Variants in EPHA5 observed in about 807,000 individuals in gnomAD.
EPHA5 encodes EPH receptor A5, also known as ephrin type-A receptor 5.
In EPHA5, 60 loss-of-function variants were observed where a neutral mutation model predicts 105.0. That is an observed-to-expected ratio of 0.57 (90% CI 0.46 to 0.71). The LOEUF is 0.71. Among genes scored for constraint, EPHA5 ranks in the 30% least tolerant of loss-of-function variants. The pLI, the probability that EPHA5 is intolerant of heterozygous loss-of-function variation, is 0.00. For synonymous variants in EPHA5, 513 were observed against 449.1 expected, an observed-to-expected ratio of 1.14 and a Z score of -1.80; for missense variants, 1,218 against 1,274.7, an observed-to-expected ratio of 0.96 and a Z score of 0.68.
intron 4 of EPHA5, among the ~76,000 whole-genome samples, chr4:65,494,033 C>T (rs77934163): frequency 6.0e-4 from 91 of 152,286 alleles, no homozygotes; most frequent in African/African-American, 2.1e-3. Context: ...AAATTCATCA[C>T]ATCCAATCAT....
intron 5 of EPHA5, among the ~76,000 whole-genome samples, chr4:65,479,069 T>C (rs547865208): frequency 6.6e-6 from 1 of 152,290 alleles, no homozygotes; most frequent in South Asian, 2.1e-4. Flanking sequence ...ACCTATTTTT[T>C]CCATAATTTA....
At chr4:65,570,512 G>C (rs528169581) in intron 3 of EPHA5, among the ~76,000 whole-genome samples, 1 of 148,234 alleles carries the variant, frequency 6.7e-6, no homozygotes, top group Non-Finnish European at 1.5e-5. Context: ...CCCCTTTTTC[G>C]GCCTTGAAAT....
At chr4:65,351,290 A>T in intron 13 of EPHA5, 99 bp downstream of exon 13, 4 of 1,074,110 alleles carry the variant, frequency 3.7e-6, no homozygotes, top group East Asian at 2.5e-5. Context: ...TTTCTTTTTG[A>T]CTTTGTTGCA....
intron 3 of EPHA5, among the ~76,000 whole-genome samples, chr4:65,545,188 G>A (rs145665643): frequency 2.9e-4 from 44 of 151,880 alleles, no homozygotes; most frequent in East Asian, 5.8e-4. Flanking sequence ...ATATGACATC[G>A]GAGAATCAGC....
rs1012388119 is a variant in EPHA5 at position 65,622,421 on chromosome 4, G to GA, written c.247-20118dup. On this transcript the variant is annotated intron_variant, in intron 2 of 16. Transcript: ENST00000613740. ...AAGGCATAGGCAACATGGCAGATTT[G>GA]AAAAAAAAATTAGAAAACTATTCAA... 7.7e-4 allele frequency among the ~76,000 whole-genome samples: 116 copies of GA among 150,410 alleles called. 2 individuals are homozygous for GA. Among genetic ancestry groups the GA allele is most frequent in the South Asian group, 6.1e-3 (29 of 4,776 alleles).
rs1425495059 is a variant in EPHA5, at chr4:65,476,127, A to AGAGAGAGTGT, written c.1402+14249_1402+14250insACACTCTCTC. On this transcript the variant is annotated intron_variant, in intron 5 of 16. Transcript: ENST00000613740. ...GAGAGAGAGAGAGAGAGAGAGAGAG[A>AGAGAGAGTGT]GTGTGTGTGTGTGTGTGTGTGTGTG... Among the ~76,000 whole-genome samples, 957 of 119,174 alleles carry AGAGAGAGTGT rather than the reference A, an allele frequency of 8.0e-3. 5 individuals are homozygous for AGAGAGAGTGT. Among genetic ancestry groups the AGAGAGAGTGT allele is most frequent in the African/African-American group, 0.011 (370 of 32,422 alleles). 78.2% of individuals were successfully genotyped at this position (119,174 alleles called of 152,430 possible).
At chr4:65,390,334 C>T (rs1661411741) in intron 8 of EPHA5, among the ~76,000 whole-genome samples, 1 of 151,986 alleles carries the variant, frequency 6.6e-6, no homozygotes, top group African/African-American at 2.4e-5. Context: ...CCAAAGTTTG[C>T]CAGAATTCTT....
intron 8 of EPHA5, among the ~76,000 whole-genome samples, chr4:65,390,161 A>G (rs1436372841): frequency 2.0e-5 from 3 of 151,978 alleles, no homozygotes; most frequent in Admixed American, 6.6e-5. Context: ...GCCAGTTCCT[A>G]GAAGTAGCAA....
At chr4:65,394,840 A>G (rs537177052) in intron 8 of EPHA5, among the ~76,000 whole-genome samples, 1 of 152,262 alleles carries the variant, frequency 6.6e-6, no homozygotes, top group East Asian at 1.9e-4. Flanking sequence ...ATGTTAGATA[A>G]TGATATACTT....
chr4:65,630,081 TCACACA>T lies in EPHA5; in HGVS notation c.246+13276_246+13281del, dbSNP rs35628731. Among the ~76,000 whole-genome samples, 935 of 146,712 alleles carry T rather than the reference TCACACA, an allele frequency of 6.4e-3. 14 individuals are homozygous for T. The highest frequency in any genetic ancestry group is 7.9e-3 in the East Asian group (39 of 4,950). On this transcript the variant is annotated intron_variant, in intron 2 of 16. Transcript: ENST00000613740. Reference sequence around the variant, plus strand: ...CACACACACACACTCTCTCTCTCTCTCACACACACACACACACACACACACACCAGG... The same window carrying T: ...CACACACACACACTCTCTCTCTCTCTCACACACACACACACACACACCAGG...
chr4:65,550,865 C>T (rs759242911), intron 3 of EPHA5, among the ~76,000 whole-genome samples: 14 of 151,624 alleles, frequency 9.2e-5, no homozygotes, highest in Admixed American at 2.0e-4. Context: ...AAACAAAAAA[C>T]AACTACTAAA....
At chr4:65,595,588 T>TA (rs1560748915) in intron 3 of EPHA5, among the ~76,000 whole-genome samples, 1 of 151,416 alleles carries the variant, frequency 6.6e-6, no homozygotes, top group East Asian at 1.9e-4. Flanking sequence ...AAGATTTTTT[T>TA]TTTTTTTTTT....
At chr4:65,622,907 T>C (rs116450522) in intron 2 of EPHA5, among the ~76,000 whole-genome samples, 1 of 152,104 alleles carries the variant, frequency 6.6e-6, no homozygotes. Context: ...GAACTGAGTG[T>C]CTGGCACGTC....
intron 2 of EPHA5, among the ~76,000 whole-genome samples, chr4:65,633,512 T>C (rs2149494910): frequency 6.6e-6 from 1 of 152,020 alleles, no homozygotes; most frequent in Middle Eastern, 3.4e-3. Context: ...AAAACAAAAA[T>C]AATTATACTC....
chr4:65,574,731 CATATATATAT>C (rs201831887), intron 3 of EPHA5, among the ~76,000 whole-genome samples: 27 of 85,602 alleles, frequency 3.2e-4, no homozygotes, highest in African/African-American at 1.6e-3. Context: ...CATATATATA[CATATATATAT>C]ACATATATAT....
intron 2 of EPHA5, among the ~76,000 whole-genome samples, chr4:65,604,426 A>G (rs1383178397): frequency 6.6e-6 from 1 of 152,172 alleles, no homozygotes; most frequent in African/African-American, 2.4e-5. Context: ...TCATGGTGAG[A>G]TTTTATTTAT....
intron 5 of EPHA5, among the ~76,000 whole-genome samples, chr4:65,428,590 T>C (rs537075971): frequency 6.6e-6 from 1 of 152,234 alleles, no homozygotes; most frequent in African/African-American, 2.4e-5. Context: ...TACCAAAACC[T>C]GGCCTTAAAT....
At chr4:65,510,103 C>A (rs1160067307) in intron 3 of EPHA5, among the ~76,000 whole-genome samples, 4 of 149,836 alleles carry the variant, frequency 2.7e-5, no homozygotes, top group Non-Finnish European at 3.0e-5. Context: ...GGCGAGATCT[C>A]CCCCCACTGC....
intron 11 of EPHA5, among the ~76,000 whole-genome samples, chr4:65,355,076 A>G (rs1299220712): frequency 6.6e-6 from 1 of 151,716 alleles, no homozygotes; most frequent in African/African-American, 2.4e-5. Flanking sequence ...ATGTAATTTA[A>G]TCTGCACCTT....
Sources: gnomAD v4.1 joint callset for allele counts (sites outside exome capture counted in the v4.1 genomes callset) on GRCh38, gnomAD v4.1.1 for gene constraint, MANE v1.5 for transcripts, NCBI Gene and HGNC (gene_info 2026-07-23, HGNC 2026-07-21) for gene names.